Variants in ENAH observed in about 807,000 individuals in gnomAD.
The protein encoded by ENAH is ENAH actin regulator, also known as protein enabled homolog.
Under a neutral mutation model 78.7 loss-of-function variants are expected in ENAH, and 23 were observed. The ratio of observed to expected loss-of-function variants is 0.29; its 90% CI spans 0.21 to 0.41. The LOEUF (loss-of-function observed/expected upper bound fraction) is 0.41. Among genes scored for constraint, ENAH ranks in the 10% least tolerant of loss-of-function variants. The pLI, the probability that ENAH is intolerant of heterozygous loss-of-function variation, is 1.00. For missense variants in ENAH, 544 were observed against 691.0 expected, an observed-to-expected ratio of 0.79 and a Z score of 2.39; for synonymous variants, 226 against 241.0, an observed-to-expected ratio of 0.94 and a Z score of 0.58.
intron 1 of ENAH, among the ~76,000 whole-genome samples, chr1:225,647,992 A>C (rs1443029210): frequency 6.6e-6 from 1 of 152,160 alleles, no homozygotes; most frequent in Non-Finnish European, 1.5e-5. Context: ...TGGAACACAC[A>C]GGAATAGTGG....
At chr1:225,531,455 C>T (rs2096537013) in intron 3 of ENAH, among the ~76,000 whole-genome samples, 1 of 151,966 alleles carries the variant, frequency 6.6e-6, no homozygotes, top group Non-Finnish European at 1.5e-5. Context: ...AAATCTGTCA[C>T]AAAATGAGAT....
chr1:225,566,772 T>C (rs912035329), intron 2 of ENAH, among the ~76,000 whole-genome samples: 1 of 152,164 alleles, frequency 6.6e-6, no homozygotes, highest in African/African-American at 2.4e-5. Context: ...GCCCCAGACA[T>C]GAACTGCAAA....
intron 1 of ENAH, among the ~76,000 whole-genome samples, chr1:225,599,360 G>A (rs1394490327): frequency 6.6e-6 from 1 of 152,072 alleles, no homozygotes; most frequent in Non-Finnish European, 1.5e-5. Context: ...AGAAAATCTG[G>A]GTATGGAAAG....
chr1:225,570,728 C>T (rs999662369), intron 1 of ENAH, among the ~76,000 whole-genome samples: 91 of 151,718 alleles, frequency 6.0e-4, no homozygotes, highest in Non-Finnish European at 1.1e-3. Context: ...GAGGCCGAGG[C>T]GGGCAGATCA....
At position 225,492,828 on chromosome 1, in the gene ENAH, C is replaced by A. The variant is rs2096228860; in HGVS notation, c.*4947G>T. ...CCAATAAATGTGGCAGACATTCTTA[C>A]AACATCCTAAGTCATTATGACAGTC... On this transcript the variant is annotated 3_prime_UTR_variant, in exon 14 of 14. Coordinates refer to ENST00000366843, the MANE Select transcript of ENAH (RefSeq NM_018212.6). 1 of 131,042 alleles carries A rather than the reference C, an allele frequency of 7.6e-6. No homozygotes were observed. The highest frequency in any genetic ancestry group is 2.9e-5 in the African/African-American group (1 of 33,944). The allele number at this position is 131,042 out of a possible 1,614,324, so 8.1% of individuals were successfully genotyped here. A position where few individuals can be genotyped will look rare whatever the true frequency, so the allele number is the denominator to read the frequency against.
At chr1:225,626,141 GAA>G (rs1320180904) in intron 1 of ENAH, among the ~76,000 whole-genome samples, 1 of 152,188 alleles carries the variant, frequency 6.6e-6, no homozygotes, top group East Asian at 1.9e-4. Flanking sequence ...AAGCAAATAT[GAA>G]AGAGTCCTAT....
At chr1:225,638,466 GA>G (rs1271546806) in intron 1 of ENAH, among the ~76,000 whole-genome samples, 1 of 152,164 alleles carries the variant, frequency 6.6e-6, no homozygotes, top group African/African-American at 2.4e-5. Flanking sequence ...GCCAGCTCTT[GA>G]AAATTAATGT....
rs990001891 is a variant in ENAH, at chr1:225,610,908, T to C, written c.5+41778A>G. 5.9e-5 allele frequency among the ~76,000 whole-genome samples: 9 copies of C among 152,144 alleles called. No homozygotes were observed. In the East Asian group the frequency reaches 1.7e-3, roughly 29 times the overall value. The stretch of plus-strand genomic sequence containing the variant: ...ATCAACCTTAGAATGAATAAACTAG[T>C]ATTTCACACAATAGAATAAAATGAA... On this transcript the variant is annotated intron_variant, in intron 1 of 13. Transcript: ENST00000366843.
chr1:225,588,020 C>T (rs931014215), intron 1 of ENAH, among the ~76,000 whole-genome samples: 1 of 152,102 alleles, frequency 6.6e-6, no homozygotes, highest in African/African-American at 2.4e-5. Context: ...GACCCATAAA[C>T]TTGGAGAAGG....
At chr1:225,562,550 C>T (rs552791329) in intron 2 of ENAH, among the ~76,000 whole-genome samples, 22 of 107,704 alleles carry the variant, frequency 2.0e-4, no homozygotes, top group African/African-American at 7.4e-4. Flanking sequence ...CCAGCCTGGG[C>T]GACAGAGCGA....
chr1:225,600,631 G>A (rs186115297), intron 1 of ENAH, among the ~76,000 whole-genome samples: 15 of 152,236 alleles, frequency 9.9e-5, no homozygotes, highest in Admixed American at 4.6e-4. Flanking sequence ...GCTGAGGTGG[G>A]AGGATTGCTT....
chr1:225,606,886 TA>T, intron 1 of ENAH, among the ~76,000 whole-genome samples: 1 of 147,774 alleles, frequency 6.8e-6, no homozygotes, highest in South Asian at 2.2e-4. Flanking sequence ...TCAATAAACT[TA>T]ACCAATCACA....
intron 1 of ENAH, among the ~76,000 whole-genome samples, chr1:225,629,384 G>A (rs566582524): frequency 1.3e-5 from 2 of 152,172 alleles, no homozygotes; most frequent in South Asian, 2.1e-4. Flanking sequence ...TCAGGAATTC[G>A]TGACCAGCCT....
chr1:225,533,746 G>A (rs1334217781), intron 3 of ENAH, among the ~76,000 whole-genome samples: 2 of 152,166 alleles, frequency 1.3e-5, no homozygotes, highest in East Asian at 1.9e-4. Context: ...AATAGGAACT[G>A]TATGTCAGTC....
chr1:225,572,286 G>C (rs2096766954), intron 1 of ENAH, among the ~76,000 whole-genome samples: 1 of 152,082 alleles, frequency 6.6e-6, no homozygotes, highest in Admixed American at 6.6e-5. Context: ...AGCAGTTTTA[G>C]ACTTCATGGA....
intron 1 of ENAH, among the ~76,000 whole-genome samples, chr1:225,612,237 T>C (rs2096994188): frequency 6.6e-6 from 1 of 152,216 alleles, no homozygotes; most frequent in African/African-American, 2.4e-5. Context: ...AACGATGGAA[T>C]ATTAGCCATA....
chr1:225,623,542 C>G (rs768807033), intron 1 of ENAH, among the ~76,000 whole-genome samples: 1 of 151,464 alleles, frequency 6.6e-6, no homozygotes, highest in East Asian at 1.9e-4. Context: ...TTCCTGCCCC[C>G]CAAGTTGTGA....
At chr1:225,610,629 AAACT>A (rs2096983207) in intron 1 of ENAH, among the ~76,000 whole-genome samples, 1 of 152,188 alleles carries the variant, frequency 6.6e-6, no homozygotes, top group African/African-American at 2.4e-5. Flanking sequence ...TCCAAACTTA[AAACT>A]AACCAAATAA....
chr1:225,503,584 C>G (rs1339128458), intron 11 of ENAH, among the ~76,000 whole-genome samples: 1 of 137,644 alleles, frequency 7.3e-6, no homozygotes, highest in Non-Finnish European at 1.5e-5. Context: ...CCTTAAAAAT[C>G]TCATTGTTAA....
Sources: gnomAD v4.1 joint callset for allele counts (sites outside exome capture counted in the v4.1 genomes callset) on GRCh38, gnomAD v4.1.1 for gene constraint, MANE v1.5 for transcripts, NCBI Gene and HGNC (gene_info 2026-07-23, HGNC 2026-07-21) for gene names.